The following PMFBP1 variants were observed in gnomAD, a reference collection of about 807,000 sequenced individuals.
PMFBP1 encodes polyamine modulated factor 1 binding protein 1.
In PMFBP1, 131 loss-of-function variants were observed where a neutral mutation model predicts 137.8. The ratio of observed to expected loss-of-function variants is 0.95; its 90% CI spans 0.82 to 1.10. The LOEUF (loss-of-function observed/expected upper bound fraction) is 1.10. PMFBP1 is among the 50% of genes least tolerant of loss of function. PMFBP1 has a pLI of 0.00. For missense variants in PMFBP1, 1,199 were observed against 1,175.4 expected (o/e 1.02, Z -0.29); for synonymous variants, 490 against 450.4 (o/e 1.09, Z -1.11).
At chr16:72,149,312 T>C (rs772911151) in intron 5 of PMFBP1, among the ~76,000 whole-genome samples, 2 of 152,218 alleles carry the variant, frequency 1.3e-5, no homozygotes, top group Non-Finnish European at 1.5e-5. Flanking sequence ...TTGGTAAAAG[T>C]GTAAACTGGT....
Position 72,154,280 on chromosome 16 carries a change from C to A in PMFBP1, c.345G>T (p.Gln115His), listed in dbSNP as rs774800101. Reference sequence around the variant, plus strand: ...CGGAAGTCTGCTTCTCTAGGATGGACTGATACTGGCGGAGAGAATAGTAAG... The same window carrying A: ...CGGAAGTCTGCTTCTCTAGGATGGAATGATACTGGCGGAGAGAATAGTAAG... Reference protein sequence around the residue: ...QTSYYSLRQYQSILEKQTSDL... With the variant: ...QTSYYSLRQYHSILEKQTSDL... Residue 115 changes from glutamine to histidine, a missense_variant, in exon 4 of 21, where the codon CAG becomes CAT. By Grantham distance (24) the Gln-to-His change is conservative (BLOSUM62 0). Transcript: ENST00000237353. 6.2e-7 allele frequency: 1 copy of A among 1,614,110 alleles called. No homozygotes were observed. The highest frequency in any genetic ancestry group is 8.5e-7 in the Non-Finnish European group (1 of 1,180,020).
intron 3 of PMFBP1, among the ~76,000 whole-genome samples, chr16:72,154,753 T>C (rs779069168): frequency 2.0e-5 from 3 of 152,204 alleles, no homozygotes; most frequent in Non-Finnish European, 4.4e-5. Context: ...TAGGGAGATA[T>C]GTGTAATAAT....
At chr16:72,129,993 T>C (rs2042522859) in intron 12 of PMFBP1, among the ~76,000 whole-genome samples, 3 of 151,932 alleles carry the variant, frequency 2.0e-5, no homozygotes, top group Admixed American at 2.0e-4. Flanking sequence ...ACTACAGGAA[T>C]GTGCCATTAT....
the PMFBP1 span, among the ~76,000 whole-genome samples, chr16:72,192,793 T>G: frequency 6.6e-6 from 1 of 151,080 alleles, no homozygotes; most frequent in Non-Finnish European, 1.5e-5. Flanking sequence ...TCCCAGCTGC[T>G]CAGGAGGCTG....
At chr16:72,167,783 G>A (rs970791894) in intron 2 of PMFBP1, among the ~76,000 whole-genome samples, 4 of 152,218 alleles carry the variant, frequency 2.6e-5, no homozygotes, top group African/African-American at 7.2e-5. Flanking sequence ...TTGCCTTGGT[G>A]CTGAATATAC....
chr16:72,211,896 C>T, the PMFBP1 span, among the ~76,000 whole-genome samples: 1 of 152,010 alleles, frequency 6.6e-6, no homozygotes, highest in African/African-American at 2.4e-5. Flanking sequence ...ACTAGAGAGG[C>T]TGAAGTGGGA....
the PMFBP1 span, among the ~76,000 whole-genome samples, chr16:72,196,899 G>A: frequency 5.2e-4 from 79 of 152,308 alleles, 1 homozygote; most frequent in Admixed American, 5.1e-3. Context: ...TTGCTGATAG[G>A]CTCTACAATC....
the PMFBP1 span, among the ~76,000 whole-genome samples, chr16:72,220,313 T>C: frequency 6.6e-6 from 1 of 152,204 alleles, no homozygotes; most frequent in Non-Finnish European, 1.5e-5. Context: ...TAGTAAATTA[T>C]GACACATCTG....
At chr16:72,239,915 A>AAAAAAAAAAAAAG in the PMFBP1 span, among the ~76,000 whole-genome samples, 53 of 145,120 alleles carry the variant, frequency 3.7e-4, 1 homozygote, top group Non-Finnish European at 6.0e-4. Context: ...AAAAAAAAAA[A>AAAAAAAAAAAAAG]AAGAATGTTC....
the PMFBP1 span, among the ~76,000 whole-genome samples, chr16:72,200,258 G>C: frequency 6.6e-6 from 1 of 152,248 alleles, no homozygotes; most frequent in Non-Finnish European, 1.5e-5. Flanking sequence ...CTAGGATGGG[G>C]GAAGTACTAT....
At chr16:72,219,521 T>G in the PMFBP1 span, among the ~76,000 whole-genome samples, 2 of 150,758 alleles carry the variant, frequency 1.3e-5, no homozygotes, top group African/African-American at 4.9e-5. Context: ...AAGACTGATG[T>G]CTGGTGCCTA....
chr16:72,126,015 G>T lies in PMFBP1; in HGVS notation c.2206C>A (p.Arg736=), dbSNP rs762138855. The change falls in exon 15 of 21, where the codon CGG becomes AGG. Residue 736 remains arginine, a synonymous_variant. Coordinates refer to ENST00000237353, the MANE Select transcript of PMFBP1 (RefSeq NM_031293.3). ...TCATCCTGGCAGGCGGCTGACTTCC[G>T]GGATAATGCATCATAGGCTTCTTTG... ...ITKEAYDALS[R]KSAACQDDLT... is the part of the protein sequence containing the mutation. 1 of 1,614,042 alleles carries T rather than the reference G, an allele frequency of 6.2e-7. No homozygotes were observed. The highest frequency in any genetic ancestry group is 1.3e-5 in the African/African-American group (1 of 74,924).
intron 19 of PMFBP1, among the ~76,000 whole-genome samples, chr16:72,122,341 T>C (rs1051300507): frequency 1.3e-5 from 2 of 152,218 alleles, no homozygotes; most frequent in Non-Finnish European, 2.9e-5. Context: ...TTGTTACTTG[T>C]TACTTTGCCA....
chr16:72,141,692 T>C (rs915234150), intron 5 of PMFBP1, among the ~76,000 whole-genome samples: 26 of 152,114 alleles, frequency 1.7e-4, no homozygotes, highest in African/African-American at 5.8e-4. Flanking sequence ...AGAATATAGG[T>C]TGTTTCCATA....
rs377107740 is a variant in PMFBP1 at position 72,125,952 on chromosome 16, G to A, written c.2253+16C>T. 6 of 1,612,918 alleles carry A rather than the reference G, an allele frequency of 3.7e-6. No homozygotes were observed. The East Asian group carries it at 1.1e-4, about 30-fold the overall frequency. On this transcript the variant is annotated intron_variant, in intron 15 of 20. Coordinates refer to ENST00000237353, the MANE Select transcript of PMFBP1 (RefSeq NM_031293.3). ...TGCCTGAAAACAGCCCTGGAGACTA[G>A]AGGGTGTGGCCTCACCTTCTCGAGG...
rs373697517 is a variant in PMFBP1, at chr16:72,125,860, G to A, written c.2253+108C>T. 64 of 1,339,602 alleles carry A rather than the reference G, an allele frequency of 4.8e-5. 2 individuals are homozygous for A. Among genetic ancestry groups the A allele is most frequent in the Admixed American group, 3.4e-4 (16 of 47,382 alleles). The allele number at this position is 1,339,602 out of a possible 1,614,324, so 83.0% of individuals were successfully genotyped here. Reference sequence around the variant, plus strand: ...CCCAGCCCACACAAGGGTTTGAGATGGCCCCATTGACAGTCAATAGGCAGG... The same window carrying A: ...CCCAGCCCACACAAGGGTTTGAGATAGCCCCATTGACAGTCAATAGGCAGG... On this transcript the variant is annotated intron_variant, in intron 15 of 20. Transcript: ENST00000237353.
intron 12 of PMFBP1, among the ~76,000 whole-genome samples, chr16:72,129,884 T>A (rs570062902): frequency 6.6e-6 from 1 of 152,290 alleles, no homozygotes; most frequent in Non-Finnish European, 1.5e-5. Flanking sequence ...TCTCACTCTG[T>A]CACCTAGGCT....
chr16:72,140,459 C>A lies in PMFBP1; in HGVS notation c.760G>T (p.Asp254Tyr). ...TTATTTCGAAGTTCTTGAATGAGAT[C>A]ATCCTGTTGAGAGACCTTTTGCCAG... The part of the protein sequence containing the change: ...EVWQKVSQQD[D>Y]LIQELRNKLA... The change falls in exon 6 of 21, where the codon GAT becomes TAT. Residue 254 changes from aspartate to tyrosine, a missense_variant. Transcript: ENST00000237353. The A allele has an allele frequency of 1.2e-6, 2 of 1,614,070 alleles. No individual in the cohort carries two copies. The highest frequency in any genetic ancestry group is 1.1e-5 in the South Asian group (1 of 91,068).
the PMFBP1 span, among the ~76,000 whole-genome samples, chr16:72,241,777 G>T: frequency 6.6e-6 from 1 of 152,130 alleles, no homozygotes; most frequent in African/African-American, 2.4e-5. Flanking sequence ...ATGTAAGTTT[G>T]TATTAGGTTA....
Sources: allele counts gnomAD v4.1 joint callset (sites outside exome capture counted in the v4.1 genomes callset), GRCh38; gene constraint gnomAD v4.1.1; transcripts MANE v1.5; gene names NCBI Gene and HGNC (gene_info 2026-07-23, HGNC 2026-07-21).